Variants in RBFOX1 observed in about 807,000 individuals in gnomAD.
RBFOX1 encodes the protein RNA binding protein fox-1 homolog 1.
Under a neutral mutation model 57.7 loss-of-function variants are expected in RBFOX1, and 8 were observed. That is an observed-to-expected ratio of 0.14 (90% CI 0.08 to 0.25). The LOEUF is 0.25. RBFOX1 is among the 10% of genes least tolerant of loss of function. The pLI is 1.00. For missense variants in RBFOX1, 611 were observed against 548.5 expected (o/e 1.11, Z -1.14); for synonymous variants, 326 against 222.4 (o/e 1.47, Z -4.15).
At chr16:7,287,994 C>A (rs978052094) in intron 4 of RBFOX1, among the ~76,000 whole-genome samples, 4 of 152,074 alleles carry the variant, frequency 2.6e-5, no homozygotes, top group African/African-American at 9.7e-5. Context: ...AAATCCAAAC[C>A]AATCTCGTGT....
intron 3 of RBFOX1, among the ~76,000 whole-genome samples, chr16:6,821,354 G>C (rs150892883): frequency 5.0e-4 from 76 of 152,298 alleles, no homozygotes; most frequent in African/African-American, 1.8e-3. Flanking sequence ...TGGAAAACTA[G>C]TCTAGTCTTT....
At chr16:5,658,826 A>G (rs1049522557) in intron 3 of RBFOX1, among the ~76,000 whole-genome samples, 1 of 145,584 alleles carries the variant, frequency 6.9e-6, no homozygotes, top group Non-Finnish European at 1.5e-5. Flanking sequence ...TAATATATGT[A>G]TATATGTATA....
At chr16:7,239,208 G>T (rs534459405) in intron 4 of RBFOX1, among the ~76,000 whole-genome samples, 14 of 152,228 alleles carry the variant, frequency 9.2e-5, no homozygotes, top group Admixed American at 7.2e-4. Flanking sequence ...TACTGTGGGT[G>T]CCAGGATGCC....
chr16:7,318,395 T>C (rs995727697), intron 4 of RBFOX1, among the ~76,000 whole-genome samples: 2 of 151,868 alleles, frequency 1.3e-5, no homozygotes, highest in Admixed American at 6.6e-5. Context: ...GTGATGAGAG[T>C]GATTCTGGTT....
intron 1 of RBFOX1, among the ~76,000 whole-genome samples, chr16:6,173,239 T>G (rs1056907462): frequency 1.3e-5 from 2 of 152,160 alleles, no homozygotes; most frequent in African/African-American, 2.4e-5. Context: ...TAGGCATTGT[T>G]CTGTGTACTA....
intron 2 of RBFOX1, among the ~76,000 whole-genome samples, chr16:6,639,803 T>C (rs1301893894): frequency 1.3e-5 from 2 of 151,996 alleles, no homozygotes; most frequent in Non-Finnish European, 2.9e-5. Flanking sequence ...GGTGTGAACC[T>C]GGGAGGCAGA....
intron 1 of RBFOX1, among the ~76,000 whole-genome samples, chr16:6,229,707 TAAA>T (rs5815295): frequency 4.1e-4 from 60 of 145,784 alleles, no homozygotes; most frequent in Admixed American, 2.7e-3. Flanking sequence ...TTTCAAGGCT[TAAA>T]AAAAAAAAAA....
chr16:7,660,875 G>C (rs1056988710), intron 12 of RBFOX1, among the ~76,000 whole-genome samples: 2 of 152,166 alleles, frequency 1.3e-5, no homozygotes, highest in African/African-American at 2.4e-5. Context: ...TTAAGAGTTT[G>C]CACTGTGGAG....
At chr16:6,075,061 A>G (rs535498299) in intron 1 of RBFOX1, among the ~76,000 whole-genome samples, 1 of 152,338 alleles carries the variant, frequency 6.6e-6, no homozygotes, top group Non-Finnish European at 1.5e-5. Flanking sequence ...GGGTTCTTTC[A>G]CTAGAGAAGC....
At chr16:5,506,916 G>T (rs1274974240) in intron 2 of RBFOX1, among the ~76,000 whole-genome samples, 1 of 151,986 alleles carries the variant, frequency 6.6e-6, no homozygotes, top group Non-Finnish European at 1.5e-5. Flanking sequence ...CCAATCTGGA[G>T]TCCCCCCTAC....
At chr16:7,554,078 C>T (rs1470358796) in intron 5 of RBFOX1, among the ~76,000 whole-genome samples, 1 of 152,110 alleles carries the variant, frequency 6.6e-6, no homozygotes, top group Non-Finnish European at 1.5e-5. Context: ...CACTGCACTC[C>T]AGCCTGGGTG....
intron 3 of RBFOX1, among the ~76,000 whole-genome samples, chr16:6,693,463 A>G (rs985824129): frequency 4.0e-5 from 6 of 150,040 alleles, no homozygotes; most frequent in Admixed American, 2.0e-4. Flanking sequence ...CACCATCATC[A>G]TCACCATCAT....
intron 3 of RBFOX1, among the ~76,000 whole-genome samples, chr16:5,741,850 C>G (rs961118909): frequency 6.6e-6 from 1 of 152,140 alleles, no homozygotes; most frequent in Non-Finnish European, 1.5e-5. Flanking sequence ...CTTTGTAAAA[C>G]ACTTAATGCC....
intron 1 of RBFOX1, among the ~76,000 whole-genome samples, chr16:6,136,322 C>T (rs1016207701): frequency 2.0e-4 from 31 of 152,244 alleles, no homozygotes; most frequent in African/African-American, 6.5e-4. Flanking sequence ...TTGATACAAC[C>T]TTCCCCCAAG....
chr16:7,664,819 C>T (rs2068755089), intron 12 of RBFOX1, 110 bp from the exon 13 acceptor site: 1 of 1,590,900 alleles, frequency 6.3e-7, no homozygotes. Context: ...TCCTCGGTTC[C>T]TGTGTTTTGG....
At chr16:5,432,559 G>GTTTTT (rs35344614) in intron 1 of RBFOX1, among the ~76,000 whole-genome samples, 5 of 94,222 alleles carry the variant, frequency 5.3e-5, no homozygotes, top group African/African-American at 8.0e-5. Flanking sequence ...TTGTTTGTTT[G>GTTTTT]TTTTTTTTTT....
chr16:7,666,046 A>G (rs1000858736), intron 13 of RBFOX1, among the ~76,000 whole-genome samples: 1 of 152,174 alleles, frequency 6.6e-6, no homozygotes, highest in Non-Finnish European at 1.5e-5. Context: ...CATATGTCCT[A>G]ATTCACTCAG....
At chr16:7,454,347 C>T (rs933038393) in intron 4 of RBFOX1, among the ~76,000 whole-genome samples, 2 of 152,182 alleles carry the variant, frequency 1.3e-5, no homozygotes, top group Non-Finnish European at 2.9e-5. Context: ...GGGGTGGGCC[C>T]TCTTGACCAG....
chr16:7,214,520 G>C (rs530201008), intron 4 of RBFOX1, among the ~76,000 whole-genome samples: 1 of 151,794 alleles, frequency 6.6e-6, no homozygotes, highest in Non-Finnish European at 1.5e-5. Flanking sequence ...AACCTCATCC[G>C]TCTCTCAGAC....
Sources: gnomAD v4.1 joint callset for allele counts (sites outside exome capture counted in the v4.1 genomes callset) on GRCh38, gnomAD v4.1.1 for gene constraint, MANE v1.5 for transcripts, NCBI Gene and HGNC (gene_info 2026-07-23, HGNC 2026-07-21) for gene names.